GLIS3: variants seen among roughly 807,000 people sequenced by gnomAD.
GLIS3 encodes the protein zinc finger protein GLIS3.
A neutral mutation model predicts 78.6 loss-of-function variants in GLIS3; 53 were observed. The ratio of observed to expected loss-of-function variants is 0.67; its 90% CI spans 0.54 to 0.85. The LOEUF is 0.85. Ranked by LOEUF, GLIS3 falls within the 40% of genes least tolerant of loss-of-function variation. The pLI, the probability that GLIS3 is intolerant of heterozygous loss-of-function variation, is 0.00. For synonymous variants in GLIS3, 684 were observed against 509.9 expected (o/e 1.34, Z -4.60); for missense variants, 1,703 against 1,231.1 (o/e 1.38, Z -5.74).
At chr9:4,327,230 G>A (rs1338410599) in intron 2 of GLIS3, among the ~76,000 whole-genome samples, 5 of 152,196 alleles carry the variant, frequency 3.3e-5, no homozygotes, top group South Asian at 2.1e-4. Flanking sequence ...GAACAAAAAG[G>A]CCAGAGCAGT....
intron 2 of GLIS3, among the ~76,000 whole-genome samples, chr9:4,205,235 T>C (rs1360242612): frequency 6.6e-6 from 1 of 150,808 alleles, no homozygotes; most frequent in Non-Finnish European, 1.5e-5. Flanking sequence ...GCCACTATTA[T>C]TGCTGCTCAA....
At chr9:4,234,122 A>C (rs1822509644) in intron 2 of GLIS3, among the ~76,000 whole-genome samples, 1 of 117,808 alleles carries the variant, frequency 8.5e-6, no homozygotes, top group Non-Finnish European at 1.9e-5. Context: ...CTTTCTCCGT[A>C]TCAGCAATGA....
At chr9:4,301,286 T>C (rs985549462), upstream of GLIS3, among the ~76,000 whole-genome samples, 6 of 152,222 alleles carry the variant, frequency 3.9e-5, no homozygotes, top group African/African-American at 1.4e-4. Context: ...TATGTCATTC[T>C]GTCAGTTTTC....
the GLIS3 span, among the ~76,000 whole-genome samples, chr9:4,441,452 T>C: frequency 3.3e-5 from 5 of 152,236 alleles, no homozygotes; most frequent in South Asian, 2.1e-4. Flanking sequence ...TTTGCATATA[T>C]TGAACCATCC....
intron 2 of GLIS3, among the ~76,000 whole-genome samples, chr9:4,153,586 C>A (rs1834841322): frequency 6.6e-6 from 1 of 152,020 alleles, no homozygotes; most frequent in African/African-American, 2.4e-5. Context: ...TATTGTGGAA[C>A]ACAGAAGGAA....
chr9:4,348,254 C>T (rs532704106), exon 1 of GLIS3: 1 of 152,274 alleles, frequency 6.6e-6, no homozygotes, highest in East Asian at 1.9e-4. Context: ...CAGAAATAGG[C>T]CATCCATGCT....
At chr9:4,484,022 GT>G in the GLIS3 span, among the ~76,000 whole-genome samples, 2 of 152,152 alleles carry the variant, frequency 1.3e-5, no homozygotes, top group African/African-American at 4.8e-5. Context: ...AGTGCTTTGT[GT>G]TTGCTTTTGT....
At chr9:4,429,659 CT>C in the GLIS3 span, among the ~76,000 whole-genome samples, 1 of 152,140 alleles carries the variant, frequency 6.6e-6, no homozygotes, top group African/African-American at 2.4e-5. Context: ...CCCAGTAGCA[CT>C]GCAAGGTTCA....
chr9:4,359,200 C>T, the GLIS3 span, among the ~76,000 whole-genome samples: 1 of 152,188 alleles, frequency 6.6e-6, no homozygotes, highest in Non-Finnish European at 1.5e-5. Flanking sequence ...GAACGCCCAC[C>T]GCTCTGCATA....
At chr9:3,874,712 G>C (rs1821192178) in intron 8 of GLIS3, among the ~76,000 whole-genome samples, 1 of 152,214 alleles carries the variant, frequency 6.6e-6, no homozygotes, top group Non-Finnish European at 1.5e-5. Flanking sequence ...TTGACTGCAT[G>C]CTTAGTGGGC....
At chr9:4,328,775 C>T (rs1003133717) in intron 2 of GLIS3, among the ~76,000 whole-genome samples, 3 of 152,146 alleles carry the variant, frequency 2.0e-5, no homozygotes, top group East Asian at 1.9e-4. Flanking sequence ...TCTGCCATAC[C>T]AGGTGTTGCG....
chr9:3,842,239 C>T (rs142047547), intron 9 of GLIS3, among the ~76,000 whole-genome samples: 6 of 152,042 alleles, frequency 3.9e-5, no homozygotes, highest in East Asian at 1.9e-4. Context: ...GTTGGGAGGC[C>T]GAGATGGGTG....
Position 4,024,494 on chromosome 9 carries a change from G to A in GLIS3, c.1711-87305C>T, listed in dbSNP as rs190442328. ...GATGGGGCTGCTCCATGTGGCCACT[G>A]CTTAAATCTAATTAGGGCAGAACTA... On this transcript the variant is annotated intron_variant, in intron 4 of 10. Coordinates refer to ENST00000381971, the MANE Select transcript of GLIS3 (RefSeq NM_001042413.2). 1.5e-3 allele frequency among the ~76,000 whole-genome samples: 224 copies of A among 152,278 alleles called. 2 individuals are homozygous for A. Among genetic ancestry groups the A allele is most frequent in the African/African-American group, 4.9e-3 (202 of 41,562 alleles).
the GLIS3 span, among the ~76,000 whole-genome samples, chr9:4,450,124 T>G: frequency 0.22 from 33,704 of 151,988 alleles, 3,942 homozygotes; most frequent in Middle Eastern, 0.3. Flanking sequence ...AATGGCTAAC[T>G]AAAATAAACA....
At chr9:3,960,595 T>C (rs1817483055) in intron 4 of GLIS3, among the ~76,000 whole-genome samples, 2 of 152,180 alleles carry the variant, frequency 1.3e-5, no homozygotes, top group African/African-American at 4.8e-5. Flanking sequence ...GTCCACAGTA[T>C]GTTGAATAAA....
rs954721038 is a variant in GLIS3 at position 4,299,775 on chromosome 9, G to A, written c.-453C>T. ...TTCTAAAAAGTTCAGTTGCGACTTT[G>A]TGCCTCGCCTGTCCTGTTCATCCTC... On this transcript the variant is annotated 5_prime_UTR_variant, in exon 1 of 11. It introduces an in-frame stop codon into an upstream open reading frame of the 5' UTR. Transcript: ENST00000381971. The A allele has an allele frequency of 6.6e-6, 1 of 152,380 alleles. No homozygotes were observed. Among genetic ancestry groups the A allele is most frequent in the Non-Finnish European group, 1.5e-5 (1 of 68,168 alleles). 9.4% of individuals were successfully genotyped at this position (152,380 alleles called of 1,614,324 possible).
At chr9:4,261,672 G>A (rs938787826) in intron 2 of GLIS3, among the ~76,000 whole-genome samples, 5 of 152,132 alleles carry the variant, frequency 3.3e-5, no homozygotes, top group South Asian at 2.1e-4. Context: ...GCCACATTAC[G>A]TAACTCACTC....
chr9:4,098,703 T>C (rs1830143781), intron 4 of GLIS3, among the ~76,000 whole-genome samples: 1 of 152,252 alleles, frequency 6.6e-6, no homozygotes, highest in African/African-American at 2.4e-5. Context: ...TTTACCTTTT[T>C]ACTTTCTGTT....
At chr9:4,357,196 C>G in the GLIS3 span, among the ~76,000 whole-genome samples, 1 of 152,104 alleles carries the variant, frequency 6.6e-6, no homozygotes, top group South Asian at 2.1e-4. Flanking sequence ...TTACAAGGTG[C>G]CCAGAAGTTT....
Sources: gnomAD v4.1 joint callset for allele counts (sites outside exome capture counted in the v4.1 genomes callset) on GRCh38, gnomAD v4.1.1 for gene constraint, MANE v1.5 for transcripts, NCBI Gene and HGNC (gene_info 2026-07-23, HGNC 2026-07-21) for gene names.